The following AGAP1 variants were observed in gnomAD, a reference collection of about 807,000 sequenced individuals.
The protein encoded by AGAP1 is ArfGAP with GTPase domain, ankyrin repeat and PH domain 1.
In AGAP1, 29 loss-of-function variants were observed where a neutral mutation model predicts 105.3. That is an observed-to-expected ratio of 0.28 (90% confidence interval 0.21 to 0.38). The LOEUF is 0.38. AGAP1 is among the 10% of genes least tolerant of loss of function. The probability of loss-of-function intolerance (pLI) is 1.00; values close to 1 mark genes in which losing one functional copy is unlikely to be tolerated. For missense variants in AGAP1, 998 were observed against 1,165.1 expected, an observed-to-expected ratio of 0.86 and a Z score of 2.09; for synonymous variants, 509 against 485.9, an observed-to-expected ratio of 1.05 and a Z score of -0.63.
At chr2:236,006,979 A>G (rs372879590) in intron 13 of AGAP1, among the ~76,000 whole-genome samples, 1 of 152,326 alleles carries the variant, frequency 6.6e-6, no homozygotes, top group Non-Finnish European at 1.5e-5. Context: ...TCCCAGATTA[A>G]TAATGACCTT....
chr2:235,676,012 A>G (rs1367681142), intron 1 of AGAP1, among the ~76,000 whole-genome samples: 5 of 152,216 alleles, frequency 3.3e-5, no homozygotes, highest in African/African-American at 2.4e-5. Context: ...GTAAGACCCA[A>G]TTATAAAGCA....
intron 1 of AGAP1, among the ~76,000 whole-genome samples, chr2:235,698,357 C>T (rs532944498): frequency 2.4e-4 from 36 of 152,120 alleles, no homozygotes; most frequent in Admixed American, 5.2e-4. Flanking sequence ...CACGTCCCTG[C>T]GGTTGGGGAC....
chr2:235,827,976 A>G (rs1959164287), intron 9 of AGAP1, among the ~76,000 whole-genome samples: 1 of 152,186 alleles, frequency 6.6e-6, no homozygotes, highest in Non-Finnish European at 1.5e-5. Flanking sequence ...GGACTCCAGG[A>G]CTGAGGCTTG....
intron 1 of AGAP1, among the ~76,000 whole-genome samples, chr2:235,619,661 C>A (rs1559293663): frequency 2.0e-5 from 3 of 152,138 alleles, no homozygotes; most frequent in Admixed American, 1.3e-4. Flanking sequence ...CCATGTCCAC[C>A]CCTTTAATTT....
chr2:236,098,691 CAT>C (rs1340645073), intron 16 of AGAP1, among the ~76,000 whole-genome samples: 1 of 140,570 alleles, frequency 7.1e-6, no homozygotes, highest in African/African-American at 2.8e-5. Context: ...GTGCCACAAA[CAT>C]AGGTCACTGC....
At chr2:235,852,725 T>TA in intron 9 of AGAP1, 1 of 1,535,836 alleles carries the variant, frequency 6.5e-7, no homozygotes, top group East Asian at 2.5e-5. Flanking sequence ...AGCCAGCACT[T>TA]ATCTCAGGCC....
intron 13 of AGAP1, among the ~76,000 whole-genome samples, chr2:235,995,681 G>C (rs1402569999): frequency 1.3e-5 from 2 of 152,162 alleles, no homozygotes; most frequent in Non-Finnish European, 2.9e-5. Context: ...CATCAAGAAA[G>C]CTGCACAGAC....
In AGAP1 at chr2:235,788,363, A is replaced by C. The variant is rs882665; in HGVS notation, c.674-9396A>C. Among the ~76,000 whole-genome samples, 11 of 152,286 alleles carry C rather than the reference A, an allele frequency of 7.2e-5. No homozygotes were observed. The East Asian group carries it at 2.1e-3, about 29-fold the overall frequency. On this transcript the variant is annotated intron_variant, in intron 6 of 17. Transcript: ENST00000304032. The surrounding 1 kb of genome is among the most constrained non-coding windows in gnomAD (Gnocchi z 6.0). ...AGGAAAGTCCACCAAAAGGATAAAC[A>C]GCTAGGAGCCCACTAGTAAGCCAGG...
intron 1 of AGAP1, among the ~76,000 whole-genome samples, chr2:235,543,419 C>T (rs1344673120): frequency 1.3e-5 from 2 of 151,766 alleles, no homozygotes; most frequent in African/African-American, 4.9e-5. Context: ...GGCTGTGTCC[C>T]CGTGTACGGG....
chr2:235,859,834 C>T (rs945616888), intron 9 of AGAP1, among the ~76,000 whole-genome samples: 7 of 152,204 alleles, frequency 4.6e-5, no homozygotes, highest in African/African-American at 1.7e-4. Context: ...CCTGGAGCTG[C>T]TCCTCTTTCG....
In AGAP1 at chr2:235,891,462, A is replaced by T. The variant is rs1478799010; in HGVS notation, c.1155+8013A>T. 6.6e-6 allele frequency among the ~76,000 whole-genome samples: 1 copy of T among 152,076 alleles called. No homozygotes were observed. The highest frequency in any genetic ancestry group is 1.5e-5 in the Non-Finnish European group (1 of 68,036). On this transcript the variant is annotated intron_variant, in intron 10 of 17. Coordinates refer to ENST00000304032, the MANE Select transcript of AGAP1 (RefSeq NM_001037131.3). The surrounding 1 kb of genome is among the most constrained non-coding windows in gnomAD (Gnocchi z 4.2). ...TGGATCGAGGGCAGCCTGTTCTAAG[A>T]CCCTGAGAGTCCCTTTCTGTGGACT... is the stretch of plus-strand genomic sequence containing the variant.
intron 16 of AGAP1, among the ~76,000 whole-genome samples, chr2:236,091,104 CA>C (rs2059048627): frequency 6.6e-6 from 1 of 152,224 alleles, no homozygotes; most frequent in Non-Finnish European, 1.5e-5. Context: ...TGTCCTTGGC[CA>C]CGTGTTTTCT....
In AGAP1 at chr2:235,577,329, A is replaced by G. The variant is rs555948292; in HGVS notation, c.163+82480A>G. Reference sequence around the variant, plus strand: ...GCTGTGTAATGTTCATTCATCGCACATTTCAATTCGGCCACATTTTAGTGC... The same window carrying G: ...GCTGTGTAATGTTCATTCATCGCACGTTTCAATTCGGCCACATTTTAGTGC... On this transcript the variant is annotated intron_variant, in intron 1 of 17. Coordinates refer to ENST00000304032, the MANE Select transcript of AGAP1 (RefSeq NM_001037131.3). This position sits in a 1 kb window ranked among gnomAD's most constrained non-coding sequence, Gnocchi z 4.5. 1.3e-5 allele frequency among the ~76,000 whole-genome samples: 2 copies of G among 152,268 alleles called. No homozygotes were observed. The highest frequency in any genetic ancestry group is 4.1e-4 in the South Asian group (2 of 4,828).
At chr2:235,860,351 A>G (rs2048879566) in intron 9 of AGAP1, among the ~76,000 whole-genome samples, 1 of 151,824 alleles carries the variant, frequency 6.6e-6, no homozygotes, top group South Asian at 2.1e-4. Context: ...AACCATAATT[A>G]TAATTACCTT....
chr2:235,540,902 T>C (rs1943413130), intron 1 of AGAP1, among the ~76,000 whole-genome samples: 1 of 152,232 alleles, frequency 6.6e-6, no homozygotes, highest in Non-Finnish European at 1.5e-5. Context: ...TTTGGAGGGA[T>C]GTTTGCAGCC....
chr2:235,624,647 T>G (rs1946583597), intron 1 of AGAP1, among the ~76,000 whole-genome samples: 1 of 152,142 alleles, frequency 6.6e-6, no homozygotes, highest in Non-Finnish European at 1.5e-5. Context: ...TGGAGGAGAT[T>G]CTGATTTTGC....
At chr2:236,026,370 C>T (rs1361951903) in intron 13 of AGAP1, among the ~76,000 whole-genome samples, 1 of 152,234 alleles carries the variant, frequency 6.6e-6, no homozygotes, top group African/African-American at 2.4e-5. Flanking sequence ...ACCACCACCT[C>T]TGTGTACCAT....
At chr2:235,657,357 TTAAGAA>T (rs1947806041) in intron 1 of AGAP1, among the ~76,000 whole-genome samples, 2 of 152,156 alleles carry the variant, frequency 1.3e-5, no homozygotes. Flanking sequence ...TCCCATTACT[TTAAGAA>T]TAAGTGATGT....
At chr2:235,571,283 C>T (rs1024169970) in intron 1 of AGAP1, among the ~76,000 whole-genome samples, 2 of 152,240 alleles carry the variant, frequency 1.3e-5, no homozygotes, top group African/African-American at 4.8e-5. Context: ...CAAGGATTCA[C>T]ACCATATCAG....
Sources: allele counts gnomAD v4.1 joint callset (sites outside exome capture counted in the v4.1 genomes callset), GRCh38; gene constraint gnomAD v4.1.1; non-coding constraint Gnocchi (gnomAD v3.1); transcripts MANE v1.5; gene names NCBI Gene and HGNC (gene_info 2026-07-23, HGNC 2026-07-21).